The following GRID2 variants were observed in gnomAD, a reference collection of about 807,000 sequenced individuals.
The protein encoded by GRID2 is glutamate receptor ionotropic, delta-2.
A neutral mutation model predicts 114.8 loss-of-function variants in GRID2; 33 were observed. The observed-to-expected ratio is 0.29, with a 90% CI of 0.22 to 0.38. The LOEUF (loss-of-function observed/expected upper bound fraction) is 0.38, where lower values mean the gene tolerates loss of function less well. GRID2 is among the 10% of genes least tolerant of loss of function. The probability of loss-of-function intolerance (pLI) is 1.00; values close to 1 mark genes in which losing one functional copy is unlikely to be tolerated. For missense variants in GRID2, 1,184 were observed against 1,257.7 expected (o/e 0.94, Z 0.89); for synonymous variants, 505 against 449.9 (o/e 1.12, Z -1.55).
chr4:92,703,592 T>C (rs1734787619), intron 2 of GRID2, among the ~76,000 whole-genome samples: 1 of 144,596 alleles, frequency 6.9e-6, no homozygotes, highest in South Asian at 2.2e-4. Flanking sequence ...TCTAAGACTC[T>C]TCATTAATAA....
chr4:93,751,873 T>C (rs570229423), intron 14 of GRID2, among the ~76,000 whole-genome samples: 5 of 152,268 alleles, frequency 3.3e-5, no homozygotes, highest in African/African-American at 1.2e-4. Flanking sequence ...CTTATTTTCC[T>C]AGGCTTTCCA....
intron 4 of GRID2, among the ~76,000 whole-genome samples, chr4:93,162,084 A>G (rs1188134403): frequency 2.6e-5 from 4 of 151,808 alleles, no homozygotes; most frequent in African/African-American, 9.7e-5. Flanking sequence ...TTTTCTCATG[A>G]TGATCATGTT....
chr4:92,938,481 T>C lies in GRID2; in HGVS notation c.245-146514T>C, dbSNP rs183138324. Among the ~76,000 whole-genome samples the C allele has an allele frequency of 1.1e-3, 167 of 146,956 alleles. 21 individuals carry two copies. Among genetic ancestry groups the C allele is most frequent in the Non-Finnish European group, 2.1e-3 (142 of 66,362 alleles). On this transcript the variant is annotated intron_variant, in intron 2 of 15. Coordinates refer to ENST00000282020, the MANE Select transcript of GRID2 (RefSeq NM_001510.4). ...CCTACTACTTCTATTTCTAAATCTCTTTAAATTGAGATGGTTAAAGTACAG... is the reference window on the plus strand; with the variant it reads ...CCTACTACTTCTATTTCTAAATCTCCTTAAATTGAGATGGTTAAAGTACAG...
At chr4:92,515,559 G>T (rs937191535) in intron 1 of GRID2, among the ~76,000 whole-genome samples, 1 of 151,854 alleles carries the variant, frequency 6.6e-6, no homozygotes, top group Admixed American at 6.6e-5. Flanking sequence ...AAGAAGTCCA[G>T]TGATTTTATT....
chr4:93,300,430 A>T (rs1433205924), intron 8 of GRID2, among the ~76,000 whole-genome samples: 1 of 152,136 alleles, frequency 6.6e-6, no homozygotes, highest in Admixed American at 6.6e-5. Context: ...ATTTTCTTTC[A>T]TACTAGCAGT....
intron 2 of GRID2, among the ~76,000 whole-genome samples, chr4:92,680,209 T>A (rs1733582193): frequency 6.6e-6 from 1 of 152,102 alleles, no homozygotes; most frequent in South Asian, 2.1e-4. Flanking sequence ...TTTTTTACCA[T>A]GGTGGATGCG....
chr4:92,803,496 C>T (rs909996688), intron 2 of GRID2, among the ~76,000 whole-genome samples: 4 of 151,832 alleles, frequency 2.6e-5, no homozygotes, highest in African/African-American at 9.7e-5. Context: ...GATACTCTTC[C>T]TAATAATAGG....
At chr4:92,932,746 G>A (rs903604121) in intron 2 of GRID2, among the ~76,000 whole-genome samples, 12 of 151,208 alleles carry the variant, frequency 7.9e-5, no homozygotes, top group South Asian at 2.1e-4. Flanking sequence ...CAACAAAAAC[G>A]AATGCAGGCA....
At chr4:93,520,834 AG>A (rs1024293600) in intron 13 of GRID2, among the ~76,000 whole-genome samples, 1 of 152,150 alleles carries the variant, frequency 6.6e-6, no homozygotes, top group African/African-American at 2.4e-5. Flanking sequence ...AGTTACTCTG[AG>A]ATGAGAAACC....
At chr4:93,351,236 CCTT>C (rs1397040603) in intron 8 of GRID2, among the ~76,000 whole-genome samples, 2 of 152,046 alleles carry the variant, frequency 1.3e-5, no homozygotes, top group Non-Finnish European at 2.9e-5. Context: ...GTACTTCAAA[CCTT>C]CTTTTCACAG....
intron 2 of GRID2, among the ~76,000 whole-genome samples, chr4:92,968,380 G>T (rs1753289407): frequency 6.6e-6 from 1 of 151,828 alleles, no homozygotes; most frequent in Non-Finnish European, 1.5e-5. Flanking sequence ...TACTATTCTG[G>T]ATTGCATGTC....
intron 1 of GRID2, among the ~76,000 whole-genome samples, chr4:92,389,313 GA>G (rs1730134204): frequency 6.6e-6 from 1 of 151,984 alleles, no homozygotes; most frequent in African/African-American, 2.4e-5. Context: ...TATGGGGTTT[GA>G]AAATTTACAA....
Position 92,625,928 on chromosome 4 carries a change from G to A in GRID2, c.244+35642G>A, listed in dbSNP as rs149986227. Among the ~76,000 whole-genome samples, 142 of 151,978 alleles carry A rather than the reference G, an allele frequency of 9.3e-4. 2 individuals are homozygous for A. The highest frequency in any genetic ancestry group is 3.3e-3 in the African/African-American group (135 of 41,498). On this transcript the variant is annotated intron_variant, in intron 2 of 15. Transcript: ENST00000282020. ...TTTTTATTTGAATCTTTTATTCTGTGTACATTTTGCTTTTTCACTTACATT... is the reference window on the plus strand; with the variant it reads ...TTTTTATTTGAATCTTTTATTCTGTATACATTTTGCTTTTTCACTTACATT...
chr4:92,341,605 A>C lies in GRID2; in HGVS notation c.88+36861A>C, dbSNP rs113979556. Among the ~76,000 whole-genome samples the C allele has an allele frequency of 3.9e-5, 6 of 152,296 alleles. 1 individual carries two copies. The highest frequency in any genetic ancestry group is 1.4e-4 in the African/African-American group (6 of 41,554). On this transcript the variant is annotated intron_variant, in intron 1 of 15. Transcript: ENST00000282020. ...GTTCATCTATTGGACACCTATGGAT[A>C]AATGAGTATTTGGGGTATTTAAAAA...
chr4:92,592,076 G>C (rs1045845647), intron 2 of GRID2, among the ~76,000 whole-genome samples: 1 of 151,794 alleles, frequency 6.6e-6, no homozygotes, highest in African/African-American at 2.4e-5. Flanking sequence ...GAAGGATCTG[G>C]AAAATCATAA....
At chr4:93,279,888 G>C (rs1373682807) in intron 8 of GRID2, among the ~76,000 whole-genome samples, 1 of 152,066 alleles carries the variant, frequency 6.6e-6, no homozygotes, top group East Asian at 1.9e-4. Flanking sequence ...GGAAAAATTA[G>C]TTTCCATTTT....
intron 1 of GRID2, among the ~76,000 whole-genome samples, chr4:92,319,353 G>A (rs1726184803): frequency 6.6e-6 from 1 of 152,162 alleles, no homozygotes; most frequent in Admixed American, 6.5e-5. Flanking sequence ...CCTTCTTGCA[G>A]CCAATTGAGC....
intron 1 of GRID2, among the ~76,000 whole-genome samples, chr4:92,342,722 T>C (rs1213628386): frequency 6.6e-6 from 1 of 152,228 alleles, no homozygotes; most frequent in Non-Finnish European, 1.5e-5. Context: ...AGTATATTGA[T>C]TGTCACTGTG....
intron 8 of GRID2, among the ~76,000 whole-genome samples, chr4:93,291,215 A>G (rs1053799487): frequency 3.3e-5 from 5 of 151,546 alleles, no homozygotes; most frequent in Admixed American, 2.6e-4. Flanking sequence ...ATATGTAGCT[A>G]CAACCTCTAG....
Sources: allele counts gnomAD v4.1 joint callset (sites outside exome capture counted in the v4.1 genomes callset), GRCh38; gene constraint gnomAD v4.1.1; transcripts MANE v1.5; gene names NCBI Gene and HGNC (gene_info 2026-07-23, HGNC 2026-07-21).